EYS: variants seen among roughly 807,000 people sequenced by gnomAD.
EYS encodes the protein protein eyes shut homolog.
A neutral mutation model predicts 282.1 loss-of-function variants in EYS; 250 were observed. That is an observed-to-expected ratio of 0.89 (90% CI 0.80 to 0.98). EYS has a LOEUF of 0.98. Ranked by LOEUF, EYS falls within the 50% of genes least tolerant of loss-of-function variation. The pLI is 0.00. For missense variants in EYS, 4,016 were observed against 3,709.0 expected, an observed-to-expected ratio of 1.08 and a Z score of -2.15; for synonymous variants, 1,355 against 1,282.9, an observed-to-expected ratio of 1.06 and a Z score of -1.20.
At chr6:65,287,649 A>G (rs769202648) in intron 12 of EYS, among the ~76,000 whole-genome samples, 1 of 151,440 alleles carries the variant, frequency 6.6e-6, no homozygotes, top group Non-Finnish European at 1.5e-5. Flanking sequence ...AAAACGAAAC[A>G]AAACGTGTTG....
chr6:64,543,462 G>C (rs1433906710), intron 26 of EYS, among the ~76,000 whole-genome samples: 1 of 151,750 alleles, frequency 6.6e-6, no homozygotes, highest in Non-Finnish European at 1.5e-5. Flanking sequence ...AATTTTCTTT[G>C]GATCTAAAAT....
chr6:64,487,605 C>T (rs1196685342), intron 26 of EYS, among the ~76,000 whole-genome samples: 1 of 150,584 alleles, frequency 6.6e-6, no homozygotes, highest in East Asian at 1.9e-4. Flanking sequence ...TAATCCTTAT[C>T]TTTTTTCATT....
At chr6:64,947,525 A>C (rs1161500326) in intron 14 of EYS, among the ~76,000 whole-genome samples, 1 of 151,768 alleles carries the variant, frequency 6.6e-6, no homozygotes, top group Non-Finnish European at 1.5e-5. Context: ...ATAATCTTTA[A>C]GGGTACTCCA....
intron 31 of EYS, among the ~76,000 whole-genome samples, chr6:64,205,031 T>G (rs994236338): frequency 1.3e-5 from 2 of 152,132 alleles, no homozygotes; most frequent in Admixed American, 1.3e-4. Flanking sequence ...ATTTAAGTGG[T>G]GGTAATACAG....
At chr6:64,916,709 G>C (rs991579994) in intron 15 of EYS, among the ~76,000 whole-genome samples, 6 of 152,044 alleles carry the variant, frequency 3.9e-5, no homozygotes, top group Non-Finnish European at 8.8e-5. Context: ...AAAATGCAAA[G>C]CACATACCGT....
rs1767819114 is a variant in EYS, at chr6:65,268,630, GA to G, written c.2023+27232del. On this transcript the variant is annotated intron_variant, in intron 12 of 42. Coordinates refer to ENST00000503581, the MANE Select transcript of EYS (RefSeq NM_001142800.2). ...TTAGAACAGTTACTGAGCTTGGAAA[GA>G]AACATTTAACTTTGAACTTTTTAGC... Among the ~76,000 whole-genome samples the G allele has an allele frequency of 5.9e-5, 9 of 152,100 alleles. No individual in the cohort carries two copies. In the South Asian group the frequency reaches 1.9e-3, roughly 32 times the overall value.
chr6:64,386,012 A>C (rs1772896559), intron 29 of EYS, among the ~76,000 whole-genome samples: 1 of 152,112 alleles, frequency 6.6e-6, no homozygotes, highest in African/African-American at 2.4e-5. Context: ...AATCCTCAAA[A>C]TCAATTCAAT....
At chr6:64,673,069 T>G (rs1288381112) in intron 22 of EYS, among the ~76,000 whole-genome samples, 1 of 152,188 alleles carries the variant, frequency 6.6e-6, no homozygotes, top group East Asian at 1.9e-4. Context: ...GTATTTTAAA[T>G]TTAGAACCAA....
intron 41 of EYS, among the ~76,000 whole-genome samples, chr6:63,739,067 C>A (rs563924135): frequency 5.9e-5 from 9 of 152,134 alleles, no homozygotes; most frequent in Admixed American, 5.2e-4. Context: ...TCCCTGCCTC[C>A]CTCCTTCCTC....
chr6:65,218,594 G>A (rs762396910), intron 12 of EYS, among the ~76,000 whole-genome samples: 2 of 151,976 alleles, frequency 1.3e-5, no homozygotes, highest in Non-Finnish European at 2.9e-5. Context: ...GCATACTCTG[G>A]GTACCTGTTG....
chr6:65,575,875 A>G (rs1336037845), intron 2 of EYS, among the ~76,000 whole-genome samples: 1 of 152,038 alleles, frequency 6.6e-6, no homozygotes, highest in Non-Finnish European at 1.5e-5. Context: ...CATACAAAAT[A>G]CCAACACTAT....
intron 12 of EYS, among the ~76,000 whole-genome samples, chr6:65,231,082 T>A (rs9351488): frequency 0.66 from 93,847 of 142,212 alleles, 32,184 homozygotes; most frequent in East Asian, 0.89. Context: ...TATATATATA[T>A]GTGTATATAT....
rs10602177 is a variant in EYS at position 65,556,387 on chromosome 6, T to TTGTGTGTGTGTGTGTGTGTG, written c.-332-60414_-332-60395dup. On this transcript the variant is annotated intron_variant, in intron 2 of 42. Coordinates refer to ENST00000503581, the MANE Select transcript of EYS (RefSeq NM_001142800.2). ...TAATATGTGGAGGAGACTGCTGGGTTTGTGTGTGTGTGTGTGTGTGTGTAT... is the reference window on the plus strand; with the variant it reads ...TAATATGTGGAGGAGACTGCTGGGTTTGTGTGTGTGTGTGTGTGTGTGTGTGTGTGTGTGTGTGTGTGTAT... 7.8e-3 allele frequency among the ~76,000 whole-genome samples: 1,168 copies of TTGTGTGTGTGTGTGTGTGTG among 148,886 alleles called. 12 individuals are homozygous for TTGTGTGTGTGTGTGTGTGTG. Among genetic ancestry groups the TTGTGTGTGTGTGTGTGTGTG allele is most frequent in the East Asian group, 0.032 (157 of 4,954 alleles).
At chr6:65,280,297 GT>G (rs1768180682) in intron 12 of EYS, among the ~76,000 whole-genome samples, 2 of 152,076 alleles carry the variant, frequency 1.3e-5, no homozygotes, top group Admixed American at 1.3e-4. Context: ...CTCCAGCACT[GT>G]ACAACTACTG....
Position 65,361,166 on chromosome 6 carries a change from A to T in EYS, c.1300-7549T>A, listed in dbSNP as rs144592292. The stretch of plus-strand genomic sequence containing the variant: ...CATAGGTGGGAATTGTACAATGAGA[A>T]CACATGAACACAGGAAGGGGAACAT... On this transcript the variant is annotated intron_variant, in intron 8 of 42. Coordinates refer to ENST00000503581, the MANE Select transcript of EYS (RefSeq NM_001142800.2). 2.9e-3 allele frequency among the ~76,000 whole-genome samples: 442 copies of T among 151,864 alleles called. 4 individuals are homozygous for T. Among genetic ancestry groups the T allele is most frequent in the East Asian group, 0.015 (79 of 5,152 alleles).
rs185654111 is a variant in EYS, at chr6:63,951,506, T to A, written c.7055+32877A>T. ...TCTGAACCCCAAGCATCACTGAGTC[T>A]TTTCAATCTTCCTTTTCTACCGACC... On this transcript the variant is annotated intron_variant, in intron 35 of 42. Transcript: ENST00000503581. Among the ~76,000 whole-genome samples, 11 of 152,214 alleles carry A rather than the reference T, an allele frequency of 7.2e-5. No homozygotes were observed. In the East Asian group the frequency reaches 1.4e-3, roughly 19 times the overall value.
intron 33 of EYS, among the ~76,000 whole-genome samples, chr6:64,041,628 C>T (rs1770395491): frequency 6.6e-6 from 1 of 152,162 alleles, no homozygotes; most frequent in Non-Finnish European, 1.5e-5. Flanking sequence ...TGTATCAAAG[C>T]TCTTACATGT....
chr6:64,116,142 C>T (rs1329427245), intron 31 of EYS, among the ~76,000 whole-genome samples: 2 of 151,992 alleles, frequency 1.3e-5, no homozygotes, highest in East Asian at 3.9e-4. Context: ...AGAGCATCAA[C>T]AGCAGACAAA....
chr6:64,019,813 T>G (rs1031575739), intron 33 of EYS, among the ~76,000 whole-genome samples: 1 of 145,916 alleles, frequency 6.9e-6, no homozygotes, highest in African/African-American at 2.5e-5. Flanking sequence ...GATTAGAATG[T>G]GTATATATAA....
Sources: gnomAD v4.1 joint callset for allele counts (sites outside exome capture counted in the v4.1 genomes callset) on GRCh38, gnomAD v4.1.1 for gene constraint, MANE v1.5 for transcripts, NCBI Gene and HGNC (gene_info 2026-07-23, HGNC 2026-07-21) for gene names.